Variants in CRLF2 observed in about 807,000 individuals in gnomAD.
CRLF2 encodes cytokine receptor like factor 2.
A neutral mutation model predicts 38.7 loss-of-function variants in CRLF2; 41 were observed. That is an observed-to-expected ratio of 1.06 (90% CI 0.83 to 1.37). The LOEUF is 1.37. Ranked by LOEUF, CRLF2 falls within the 40% of genes most tolerant of loss-of-function variation. The probability of loss-of-function intolerance (pLI) is 0.00; values close to 1 mark genes in which losing one functional copy is unlikely to be tolerated. For synonymous variants in CRLF2, 140 were observed against 128.8 expected, an observed-to-expected ratio of 1.09 and a Z score of -0.59; for missense variants, 377 against 322.2, an observed-to-expected ratio of 1.17 and a Z score of -1.30.
At chrX:1,196,004 A>G (rs2086468793) in intron 6 of CRLF2, among the ~76,000 whole-genome samples, 1 of 141,984 alleles carries the variant, frequency 7.0e-6, no homozygotes, top group Non-Finnish European at 1.5e-5. Context: ...TTATATATAT[A>G]ATTATATATA....
At chrX:1,206,229 G>C (rs2086688900) in intron 3 of CRLF2, among the ~76,000 whole-genome samples, 1 of 151,812 alleles carries the variant, frequency 6.6e-6, no homozygotes, top group African/African-American at 2.4e-5. Context: ...GGGAATCATT[G>C]ATCCCGCGAC....
intron 6 of CRLF2, among the ~76,000 whole-genome samples, chrX:1,194,840 T>C (rs1425600971): frequency 1.3e-5 from 2 of 151,954 alleles, no homozygotes; most frequent in Non-Finnish European, 2.9e-5. Context: ...GAGACCAGCC[T>C]GGCCAACACG....
intron 7 of CRLF2, among the ~76,000 whole-genome samples, chrX:1,191,535 A>AAT (rs1556415719): frequency 2.1e-5 from 3 of 143,778 alleles, no homozygotes; most frequent in African/African-American, 7.7e-5. Flanking sequence ...CCAAAAATAA[A>AAT]TTTTTTTTTT....
chrX:1,191,489 G>A (rs1251831526), intron 7 of CRLF2, among the ~76,000 whole-genome samples: 1 of 150,956 alleles, frequency 6.6e-6, no homozygotes. Context: ...TCTTGTTTGG[G>A]GCATCCAGGA....
chrX:1,192,853 A>G (rs1233540571), intron 7 of CRLF2, among the ~76,000 whole-genome samples: 5 of 134,410 alleles, frequency 3.7e-5, no homozygotes, highest in African/African-American at 5.7e-5. Flanking sequence ...TCACTCTGTC[A>G]CCCAGGCTGG....
intron 2 of CRLF2, among the ~76,000 whole-genome samples, chrX:1,207,837 T>G (rs764052312): frequency 9.3e-4 from 130 of 139,914 alleles, no homozygotes; most frequent in African/African-American, 3.1e-3. Flanking sequence ...TTTAGTAGAG[T>G]TGGGGTTTCA....
chrX:1,207,977 A>C (rs2086722737), intron 2 of CRLF2, among the ~76,000 whole-genome samples: 1 of 152,128 alleles, frequency 6.6e-6, no homozygotes, highest in South Asian at 2.1e-4. Flanking sequence ...TTTGCCGTTT[A>C]TCTCTTTTGT....
chrX:1,210,110 A>AG (rs2086768643), intron 1 of CRLF2, among the ~76,000 whole-genome samples: 4 of 98,058 alleles, frequency 4.1e-5, no homozygotes, highest in East Asian at 2.9e-4. Context: ...TATCAAAAAA[A>AG]AAAAAGAAAA....
At chrX:1,204,014 C>T (rs2086650916) in intron 3 of CRLF2, among the ~76,000 whole-genome samples, 2 of 150,592 alleles carry the variant, frequency 1.3e-5, no homozygotes, top group South Asian at 4.2e-4. Context: ...CTCATTTCCT[C>T]GCCCGAGACT....
intron 2 of CRLF2, among the ~76,000 whole-genome samples, chrX:1,206,940 G>T (rs1402420115): frequency 1.4e-5 from 2 of 140,146 alleles, no homozygotes; most frequent in Admixed American, 7.7e-5. Flanking sequence ...CTACCACACC[G>T]GCTTTTTTTT....
intron 6 of CRLF2, among the ~76,000 whole-genome samples, chrX:1,196,500 C>G (rs1372816314): frequency 4.6e-5 from 7 of 150,546 alleles, no homozygotes; most frequent in African/African-American, 1.7e-4. Flanking sequence ...TTTTTGTATT[C>G]TTAGTAGAGA....
chrX:1,204,365 A>G (rs759558084), intron 3 of CRLF2, among the ~76,000 whole-genome samples: 73 of 152,010 alleles, frequency 4.8e-4, no homozygotes, highest in African/African-American at 1.5e-3. Context: ...AGTAGCTGGG[A>G]TTACAGGCAT....
intron 7 of CRLF2, among the ~76,000 whole-genome samples, chrX:1,192,692 T>TC (rs1491561781): frequency 5.3e-4 from 79 of 150,096 alleles, no homozygotes; most frequent in South Asian, 1.7e-3. Flanking sequence ...TTTCTCTTTC[T>TC]TTTTCTTTTC....
chrX:1,193,781 C>CAAAAAAAAA (rs1176813644), intron 6 of CRLF2, among the ~76,000 whole-genome samples: 3 of 58,982 alleles, frequency 5.1e-5, no homozygotes, highest in African/African-American at 8.5e-5. Context: ...GACTCCATCT[C>CAAAAAAAAA]AAAAAAAAAA....
chrX:1,202,260 C>G, intron 4 of CRLF2, 142 bp downstream of exon 4: 1 of 946,796 alleles, frequency 1.1e-6, no homozygotes, highest in East Asian at 2.6e-5. Flanking sequence ...TGGACTAGAG[C>G]TCTCTCAGGA....
intron 1 of CRLF2, among the ~76,000 whole-genome samples, chrX:1,211,414 A>T (rs2086798840): frequency 1.1e-5 from 1 of 92,892 alleles, no homozygotes; most frequent in East Asian, 3.5e-4. Flanking sequence ...AGTGGATAAA[A>T]GTGTGGGTGA....
chrX:1,211,976 G>A (rs186261058), intron 1 of CRLF2, among the ~76,000 whole-genome samples: 178 of 150,552 alleles, frequency 1.2e-3, no homozygotes, highest in African/African-American at 4.2e-3. Context: ...GGGTGGATGG[G>A]AGGATGGATA....
intron 1 of CRLF2, among the ~76,000 whole-genome samples, chrX:1,210,674 A>T (rs1203770454): frequency 3.3e-5 from 5 of 152,202 alleles, no homozygotes; most frequent in Non-Finnish European, 7.3e-5. Context: ...GAACCTTGTC[A>T]TGTTGGGTTC....
intron 7 of CRLF2, among the ~76,000 whole-genome samples, chrX:1,192,040 C>T (rs1256683605): frequency 3.4e-5 from 5 of 146,010 alleles, no homozygotes; most frequent in Admixed American, 7.0e-5. Context: ...CCCATCTCTA[C>T]GAAAAATACA....
Sources: gnomAD v4.1 joint callset for allele counts (sites outside exome capture counted in the v4.1 genomes callset) on GRCh38, gnomAD v4.1.1 for gene constraint, MANE v1.5 for transcripts, NCBI Gene and HGNC (gene_info 2026-07-23, HGNC 2026-07-21) for gene names.